Variants in SNX30 observed in about 807,000 individuals in gnomAD.
The protein encoded by SNX30 is sorting nexin-30.
A neutral mutation model predicts 46.4 loss-of-function variants in SNX30; 24 were observed. That is an observed-to-expected ratio of 0.52 (90% CI 0.37 to 0.73). The LOEUF (loss-of-function observed/expected upper bound fraction) is 0.73, where lower values mean the gene tolerates loss of function less well. Ranked by LOEUF, SNX30 falls within the 30% of genes least tolerant of loss-of-function variation. The pLI is 0.00. For synonymous variants in SNX30, 189 were observed against 211.5 expected, an observed-to-expected ratio of 0.89 and a Z score of 0.92; for missense variants, 533 against 555.7, an observed-to-expected ratio of 0.96 and a Z score of 0.41.
At chr9:112,803,909 T>A (rs1482335116) in intron 1 of SNX30, among the ~76,000 whole-genome samples, 1 of 115,898 alleles carries the variant, frequency 8.6e-6, no homozygotes, top group Admixed American at 9.2e-5. Flanking sequence ...TCCAGGTGCA[T>A]CCGTCACCCC....
At chr9:112,773,949 T>A (rs562130832) in intron 1 of SNX30, among the ~76,000 whole-genome samples, 1 of 152,248 alleles carries the variant, frequency 6.6e-6, no homozygotes, top group Non-Finnish European at 1.5e-5. Flanking sequence ...AACATGATGA[T>A]GCTGAAAAGA....
At chr9:112,834,105 C>G (rs1043535663) in intron 4 of SNX30, among the ~76,000 whole-genome samples, 1 of 146,682 alleles carries the variant, frequency 6.8e-6, no homozygotes, top group Non-Finnish European at 1.5e-5. Context: ...TTCCTCTGCT[C>G]TCAGGCAACA....
chr9:112,881,119 G>T (rs1350807937), intron 5 of SNX30, among the ~76,000 whole-genome samples: 1 of 152,206 alleles, frequency 6.6e-6, no homozygotes, highest in Non-Finnish European at 1.5e-5. Context: ...CTTAATAAAT[G>T]GATGCGCAGC....
At chr9:112,811,690 A>T (rs536820484) in intron 2 of SNX30, among the ~76,000 whole-genome samples, 3 of 152,202 alleles carry the variant, frequency 2.0e-5, no homozygotes, top group Non-Finnish European at 4.4e-5. Flanking sequence ...ACCTGTTCTT[A>T]GACCTGACTG....
intron 4 of SNX30, among the ~76,000 whole-genome samples, chr9:112,835,972 A>G (rs760740914): frequency 9.8e-5 from 15 of 152,318 alleles, no homozygotes; most frequent in Middle Eastern, 3.4e-3. Flanking sequence ...AGTGAATTTG[A>G]TTAAGGATTG....
chr9:112,780,894 C>T (rs972041868), intron 1 of SNX30, among the ~76,000 whole-genome samples: 2 of 152,184 alleles, frequency 1.3e-5, no homozygotes, highest in Middle Eastern at 3.2e-3. Context: ...ACATTGATGA[C>T]GCTTAGCCAT....
At chr9:112,812,418 G>A (rs1205952705) in intron 2 of SNX30, among the ~76,000 whole-genome samples, 1 of 152,030 alleles carries the variant, frequency 6.6e-6, no homozygotes, top group African/African-American at 2.4e-5. Context: ...ACCGCACCCG[G>A]CTAATTTTTG....
chr9:112,848,808 G>C (rs1249392918), intron 6 of SNX30, among the ~76,000 whole-genome samples: 6 of 152,216 alleles, frequency 3.9e-5, no homozygotes, highest in Admixed American at 3.9e-4. Context: ...CCCCTCGTCT[G>C]TTTTGGGCAT....
At chr9:112,839,176 G>A (rs1446696557) in intron 6 of SNX30, among the ~76,000 whole-genome samples, 3 of 152,188 alleles carry the variant, frequency 2.0e-5, no homozygotes, top group Non-Finnish European at 2.9e-5. Context: ...TTCAGCATCC[G>A]ACTGATAAGA....
chr9:112,879,703 T>C (rs1841554366), downstream of SNX30: 2 of 1,527,650 alleles, frequency 1.3e-6, no homozygotes. Context: ...TGGTCCCTTC[T>C]TTTGTCTTCT....
chr9:112,787,471 G>A (rs1040257820), intron 1 of SNX30, among the ~76,000 whole-genome samples: 2 of 152,148 alleles, frequency 1.3e-5, no homozygotes, highest in Non-Finnish European at 2.9e-5. Context: ...ATTAAATGTG[G>A]AAGTACTATA....
Position 112,804,777 on chromosome 9 carries a change from A to T in SNX30, c.158A>T (p.Asp53Val), listed in dbSNP as rs1358241951. 6.3e-7 allele frequency: 1 copy of T among 1,597,444 alleles called. No homozygotes were observed. The highest frequency in any genetic ancestry group is 2.2e-5 in the East Asian group (1 of 44,696). ...TAAGGTGCTCTTTTCTTCTTTTAGG[A>T]TCTCATTTTGCCCAACGGTGGTACT... ...LLMARSFGDK[D>V]LILPNGGTPA... is the part of the protein sequence containing the mutation. The change falls in exon 2 of 9, where the codon GAT (aspartate) becomes GTT (valine). Residue 53 changes from aspartate to valine, a missense_variant and splice_region_variant. Coordinates refer to ENST00000374232, the MANE Select transcript of SNX30 (RefSeq NM_001012994.2).
intron 8 of SNX30, among the ~76,000 whole-genome samples, chr9:112,865,881 C>T (rs1236669788): frequency 6.6e-6 from 1 of 151,634 alleles, no homozygotes; most frequent in African/African-American, 2.4e-5. Context: ...AACTCCCACA[C>T]CTTCCCTCTG....
chr9:112,835,801 C>T (rs1467867751), intron 4 of SNX30, among the ~76,000 whole-genome samples: 2 of 152,140 alleles, frequency 1.3e-5, no homozygotes, highest in African/African-American at 4.8e-5. Context: ...CCTTATATGG[C>T]TTTAGTTGGG....
At chr9:112,850,101 C>CT (rs779238428) in intron 6 of SNX30, among the ~76,000 whole-genome samples, 2 of 152,138 alleles carry the variant, frequency 1.3e-5, no homozygotes, top group Non-Finnish European at 2.9e-5. Flanking sequence ...TCACATGGGC[C>CT]AAAGAGGGAG....
At chr9:112,841,507 G>T (rs1233041418) in intron 6 of SNX30, among the ~76,000 whole-genome samples, 1 of 152,204 alleles carries the variant, frequency 6.6e-6, no homozygotes, top group Non-Finnish European at 1.5e-5. Flanking sequence ...CTGGGGAAGG[G>T]CATGGAAAAG....
At chr9:112,816,585 C>A (rs1294283671) in intron 2 of SNX30, among the ~76,000 whole-genome samples, 2 of 152,170 alleles carry the variant, frequency 1.3e-5, no homozygotes, top group Non-Finnish European at 2.9e-5. Flanking sequence ...TTGAACTTCA[C>A]CATTTTGCTA....
chr9:112,770,011 T>C (rs556678430), intron 1 of SNX30, among the ~76,000 whole-genome samples: 1 of 152,286 alleles, frequency 6.6e-6, no homozygotes, highest in Non-Finnish European at 1.5e-5. Context: ...CCCTGACTGC[T>C]GTCATCCCCT....
intron 1 of SNX30, among the ~76,000 whole-genome samples, chr9:112,792,678 G>C (rs79584466): frequency 1.1e-4 from 17 of 152,196 alleles, no homozygotes; most frequent in African/African-American, 3.4e-4. Flanking sequence ...CACCTGCCTC[G>C]GTCTCCCAAA....
Sources: allele counts gnomAD v4.1 joint callset (sites outside exome capture counted in the v4.1 genomes callset), GRCh38; gene constraint gnomAD v4.1.1; transcripts MANE v1.5; gene names NCBI Gene and HGNC (gene_info 2026-07-23, HGNC 2026-07-21).